CHAF1A: variants seen among roughly 807,000 people sequenced by gnomAD.
CHAF1A encodes CAF-1 subunit A.
A neutral mutation model predicts 93.2 loss-of-function variants in CHAF1A; 5 were observed. The observed-to-expected ratio is 0.05, with a 90% CI of 0.03 to 0.11. CHAF1A has a LOEUF of 0.11. Ranked by LOEUF, CHAF1A falls within the 10% of genes least tolerant of loss-of-function variation. The pLI is 1.00. For synonymous variants in CHAF1A, 504 were observed against 510.3 expected, an observed-to-expected ratio of 0.99 and a Z score of 0.17; for missense variants, 1,102 against 1,259.9, an observed-to-expected ratio of 0.87 and a Z score of 1.90.
At chr19:4,436,206 T>C (rs940406550) in intron 13 of CHAF1A, among the ~76,000 whole-genome samples, 2 of 152,022 alleles carry the variant, frequency 1.3e-5, no homozygotes, top group African/African-American at 2.4e-5. Context: ...GCTCCTGAGA[T>C]GATGCTCAGC....
In CHAF1A at chr19:4,423,803, C is replaced by G; in HGVS notation, c.1309-3C>G. 1 of 1,613,880 alleles carries G rather than the reference C, an allele frequency of 6.2e-7. No homozygotes were observed. Among genetic ancestry groups the G allele is most frequent in the East Asian group, 2.2e-5 (1 of 44,906 alleles). On this transcript the variant is annotated splice_region_variant and splice_polypyrimidine_tract_variant and intron_variant, in intron 6 of 14. Coordinates refer to ENST00000301280, the MANE Select transcript of CHAF1A (RefSeq NM_005483.3). ...TTCTCATCACCATCTCTTAACATCA[C>G]AGCGCATTAAAGCAGAGAAGGCCGA... is the stretch of plus-strand genomic sequence containing the variant.
chr19:4,417,886 C>T lies in CHAF1A; in HGVS notation c.961-134C>T, dbSNP rs1034706763. The T allele has an allele frequency of 4.9e-5, 29 of 592,094 alleles. No homozygotes were observed. In the Admixed American group the frequency reaches 8.7e-4, roughly 18 times the overall value. 36.7% of individuals were successfully genotyped at this position (592,094 alleles called of 1,614,324 possible). A position where few individuals can be genotyped will look rare whatever the true frequency, so the allele number is the denominator to read the frequency against. ...TCCCAGATACACACATGTATGCACA[C>T]TTACTGGAGTTTGTGACCCTATTAT... is the stretch of plus-strand genomic sequence containing the variant. On this transcript the variant is annotated intron_variant, in intron 3 of 14. Coordinates refer to ENST00000301280, the MANE Select transcript of CHAF1A (RefSeq NM_005483.3).
At chr19:4,416,551 C>A (rs985488473) in intron 3 of CHAF1A, among the ~76,000 whole-genome samples, 2 of 152,126 alleles carry the variant, frequency 1.3e-5, no homozygotes, top group African/African-American at 4.8e-5. Flanking sequence ...TCCTAGAAAA[C>A]CCCAGCAAGT....
chr19:4,403,531 C>T (rs2145053569), intron 1 of CHAF1A, among the ~76,000 whole-genome samples: 1 of 152,374 alleles, frequency 6.6e-6, no homozygotes, highest in Middle Eastern at 3.4e-3. Flanking sequence ...ATAACGTGAA[C>T]GAATGAAGGG....
intron 13 of CHAF1A, among the ~76,000 whole-genome samples, chr19:4,438,939 G>A (rs553629610): frequency 5.7e-4 from 86 of 152,080 alleles, no homozygotes; most frequent in African/African-American, 1.5e-3. Flanking sequence ...CCGAGATCGC[G>A]CCACTGCACT....
At chr19:4,403,162 C>T (rs998125369) in intron 1 of CHAF1A, among the ~76,000 whole-genome samples, 9 of 152,098 alleles carry the variant, frequency 5.9e-5, no homozygotes, top group African/African-American at 2.2e-4. Context: ...CGTTTGTGTC[C>T]CTTGACCATG....
chr19:4,412,270 C>G (rs1340752495), intron 3 of CHAF1A, among the ~76,000 whole-genome samples: 1 of 152,200 alleles, frequency 6.6e-6, no homozygotes, highest in Admixed American at 6.5e-5. Flanking sequence ...TGGCTGGGCG[C>G]GGTGGCTCAC....
At position 4,402,848 on chromosome 19, in the gene CHAF1A, G is replaced by A. The variant is rs1031786619; in HGVS notation, c.52+34G>A. ...GGGCCCGCGCCGAGGGGAAGGGGGGGCGCGGCGCGCGGCCTGGACGGGCCG... is the reference window on the plus strand; with the variant it reads ...GGGCCCGCGCCGAGGGGAAGGGGGGACGCGGCGCGCGGCCTGGACGGGCCG... On this transcript the variant is annotated intron_variant, in intron 1 of 14. Transcript: ENST00000301280. The A allele has an allele frequency of 1.0e-3, 1,199 of 1,170,256 alleles. 1 individual carries two copies. The highest frequency in any genetic ancestry group is 1.2e-3 in the Non-Finnish European group (1,168 of 940,738). 72.5% of individuals were successfully genotyped at this position (1,170,256 alleles called of 1,614,324 possible). A position where few individuals can be genotyped will look rare whatever the true frequency, so the allele number is the denominator to read the frequency against.
At chr19:4,406,068 T>TC in intron 2 of CHAF1A, 106 bp downstream of exon 2, 4 of 896,016 alleles carry the variant, frequency 4.5e-6, no homozygotes, top group Middle Eastern at 2.3e-4. Flanking sequence ...AGAGAAACAG[T>TC]CCTTCTTCAG....
chr19:4,446,483 G>GCGGA (rs1310151556), downstream of CHAF1A: 1 of 1,599,684 alleles, frequency 6.3e-7, no homozygotes, highest in African/African-American at 1.3e-5. Context: ...ACTCTGCTCC[G>GCGGA]CGGACGTCAG....
At chr19:4,445,413 G>T, downstream of CHAF1A, 1 of 1,583,788 alleles carries the variant, frequency 6.3e-7, no homozygotes, top group Non-Finnish European at 8.6e-7. Flanking sequence ...TTCCAGAGGT[G>T]GCTTGGAGGC....
chr19:4,448,483 G>A (rs62130982), downstream of CHAF1A: 103,276 of 1,300,368 alleles, frequency 0.079, 4,797 homozygotes, highest in Non-Finnish European at 0.09. Context: ...CGCTGCCCAG[G>A]TAACAGGGGC....
Position 4,433,064 on chromosome 19 carries a change from T to G in CHAF1A, c.2204-6T>G. 1 of 1,548,128 alleles carries G rather than the reference T, an allele frequency of 6.5e-7. No homozygotes were observed. On this transcript the variant is annotated splice_region_variant and splice_polypyrimidine_tract_variant and intron_variant, in intron 12 of 14. Transcript: ENST00000301280. This position sits in a 1 kb window ranked among gnomAD's most constrained non-coding sequence, Gnocchi z 5.6. ...CCTCATGCCCACCCATGTTCCCTCC[T>G]GCCAGTCCTGGCCCAGCTGCTGCCG...
chr19:4,440,839 G>A (rs1268185891), intron 13 of CHAF1A, among the ~76,000 whole-genome samples: 1 of 152,118 alleles, frequency 6.6e-6, no homozygotes, highest in Non-Finnish European at 1.5e-5. Context: ...CACAGCAGAG[G>A]CCAGGTGCGG....
chr19:4,445,248 G>T, downstream of CHAF1A: 1 of 515,692 alleles, frequency 1.9e-6, no homozygotes, highest in Non-Finnish European at 3.4e-6. Context: ...CAAGCAGCTA[G>T]GGAGGGCTTA....
intron 3 of CHAF1A, among the ~76,000 whole-genome samples, chr19:4,416,846 G>A (rs1973904889): frequency 6.6e-6 from 1 of 152,210 alleles, no homozygotes; most frequent in South Asian, 2.1e-4. Flanking sequence ...AGCCGAGATC[G>A]TGGCACTCGC....
chr19:4,446,723 C>T (rs765845706), downstream of CHAF1A: 3 of 1,608,260 alleles, frequency 1.9e-6, no homozygotes, highest in South Asian at 3.3e-5. Context: ...GGGTCCTCTA[C>T]AGCGTGGCAG....
At position 4,409,590 on chromosome 19, in the gene CHAF1A, A is replaced by G; in HGVS notation, c.791A>G (p.Asn264Ser). The part of the protein sequence containing the change: ...KSLPATPQGK[N>S]MTPESEVLES... ...CTTCCAGCCACACCCCAAGGCAAGA[A>G]CATGACCCCTGAGAGTGAGGTGCTG... Residue 264 changes from asparagine to serine, a missense_variant, in exon 3 of 15, where the codon AAC (asparagine) becomes AGC (serine). Coordinates refer to ENST00000301280, the MANE Select transcript of CHAF1A (RefSeq NM_005483.3). 2 of 1,614,148 alleles carry G rather than the reference A, an allele frequency of 1.2e-6. No homozygotes were observed. The highest frequency in any genetic ancestry group is 2.2e-5 in the South Asian group (2 of 91,076).
In CHAF1A at chr19:4,423,375, C is replaced by G. The variant is rs573779621; in HGVS notation, c.1288C>G (p.Arg430Gly). 6.2e-7 allele frequency: 1 copy of G among 1,613,968 alleles called. No individual in the cohort carries two copies. The change falls in exon 6 of 15, where the codon CGG (arginine) becomes GGG (glycine). Residue 430 changes from arginine to glycine, a missense_variant. Physicochemically the swap from Arg to Gly is moderately radical, Grantham distance 125. Coordinates refer to ENST00000301280, the MANE Select transcript of CHAF1A (RefSeq NM_005483.3). ...EEKRKKEEEK[R>G]LREEEKRIKA... is the part of the protein sequence containing the mutation. ...AAAAAGGAAAAAGGAAGAAGAGAAA[C>G]GGTTAAGAGAAGAAGAGAAGGTAGA...
Sources: gnomAD v4.1 joint callset for allele counts (sites outside exome capture counted in the v4.1 genomes callset) on GRCh38, gnomAD v4.1.1 for gene constraint, Gnocchi (gnomAD v3.1) non-coding constraint, MANE v1.5 for transcripts, NCBI Gene and HGNC (gene_info 2026-07-23, HGNC 2026-07-21) for gene names.